Variants in KIF2A observed in about 807,000 individuals in gnomAD.
KIF2A encodes kinesin-like protein KIF2A.
In KIF2A, 22 loss-of-function variants were observed where a neutral mutation model predicts 100.2. The ratio of observed to expected loss-of-function variants is 0.22; its 90% CI spans 0.16 to 0.31. KIF2A has a LOEUF of 0.31. KIF2A is among the 10% of genes least tolerant of loss of function. The probability of loss-of-function intolerance (pLI) is 1.00; values close to 1 mark genes in which losing one functional copy is unlikely to be tolerated. For synonymous variants in KIF2A, 268 were observed against 285.9 expected, an observed-to-expected ratio of 0.94 and a Z score of 0.63; for missense variants, 495 against 898.7, an observed-to-expected ratio of 0.55 and a Z score of 5.74.
Position 62,389,348 on chromosome 5 carries a change from T to A in KIF2A, c.*3779T>A, listed in dbSNP as rs1230224443. Among the ~76,000 whole-genome samples, 5 of 151,884 alleles carry A rather than the reference T, an allele frequency of 3.3e-5. No individual in the cohort carries two copies. Among genetic ancestry groups the A allele is most frequent in the Non-Finnish European group, 7.4e-5 (5 of 67,976 alleles). The stretch of plus-strand genomic sequence containing the variant: ...TAAAAATACAAAAATTAGCCTGGCA[T>A]GGTGGCACATGCCTGTAATCCCAGC... On this transcript the variant is annotated 3_prime_UTR_variant, in exon 21 of 21. Transcript: ENST00000407818.
At chr5:62,364,155 T>G (rs1451252547) in intron 14 of KIF2A, among the ~76,000 whole-genome samples, 1 of 151,948 alleles carries the variant, frequency 6.6e-6, no homozygotes, top group African/African-American at 2.4e-5. Flanking sequence ...CCAGAGGTTT[T>G]TTTTTTTTTT....
intron 1 of KIF2A, among the ~76,000 whole-genome samples, chr5:62,333,757 C>T (rs1010436109): frequency 5.9e-5 from 9 of 152,132 alleles, no homozygotes; most frequent in Non-Finnish European, 7.4e-5. Flanking sequence ...AATTTCCCTG[C>T]AGAGAAGGGG....
rs752464946 is a variant in KIF2A at position 62,361,480 on chromosome 5, C to G, written c.978C>G (p.Asp326Glu). 1 of 1,579,950 alleles carries G rather than the reference C, an allele frequency of 6.3e-7. No homozygotes were observed. The highest frequency in any genetic ancestry group is 8.7e-7 in the Non-Finnish European group (1 of 1,150,236). Reference sequence around the variant, plus strand: ...TTAAAATATAGACTATGGGTGGTGACTTTTCAGGAAAGAACCAAGATTGTT... The same window carrying G: ...TTAAAATATAGACTATGGGTGGTGAGTTTTCAGGAAAGAACCAAGATTGTT... The part of the protein sequence containing the change: ...GSGKTHTMGG[D>E]FSGKNQDCSK... The change falls in exon 11 of 21, where the codon GAC becomes GAG. Residue 326 changes from aspartate to glutamate, a missense_variant. Coordinates refer to ENST00000407818, the MANE Select transcript of KIF2A (RefSeq NM_001098511.3).
At chr5:62,365,188 A>T in intron 14 of KIF2A, 55 bp from the exon 15 acceptor site, 1 of 872,978 alleles carries the variant, frequency 1.1e-6, no homozygotes, top group Non-Finnish European at 1.8e-6. Flanking sequence ...ATGTTAATTA[A>T]GATTATCCTT....
At chr5:62,360,001 G>GT (rs1428901606) in intron 9 of KIF2A, among the ~76,000 whole-genome samples, 2 of 137,830 alleles carry the variant, frequency 1.5e-5, no homozygotes, top group African/African-American at 5.3e-5. Context: ...TTTTTTTTTT[G>GT]TTTTTTTGAG....
chr5:62,334,595 A>C, intron 1 of KIF2A, among the ~76,000 whole-genome samples: 1 of 141,240 alleles, frequency 7.1e-6, no homozygotes, highest in Non-Finnish European at 1.5e-5. Context: ...CCCCTACCTT[A>C]CTCAACCTCT....
chr5:62,319,897 A>G (rs1746018033), intron 1 of KIF2A, among the ~76,000 whole-genome samples: 1 of 152,112 alleles, frequency 6.6e-6, no homozygotes, highest in African/African-American at 2.4e-5. Flanking sequence ...GTATGTATGT[A>G]TGTATGTATA....
At chr5:62,319,128 A>G (rs953727744) in intron 1 of KIF2A, among the ~76,000 whole-genome samples, 40 of 151,848 alleles carry the variant, frequency 2.6e-4, no homozygotes, top group African/African-American at 9.2e-4. Flanking sequence ...CAAATTCCTA[A>G]TAGGCCTCTC....
chr5:62,353,361 G>GA lies in KIF2A; in HGVS notation c.550dup (p.Arg184LysfsTer6), dbSNP rs1177534801. On this transcript the variant is annotated frameshift_variant, in exon 6 of 21. Coordinates refer to ENST00000407818, the MANE Select transcript of KIF2A (RefSeq NM_001098511.3). LOFTEE classifies it high-confidence loss of function. The stretch of plus-strand genomic sequence containing the variant: ...GAGATTGCAACAGCAAGAACTTAGA[G>GA]AAAAAAGAGCCCAGGTTCGTAACAT... 1 of 1,551,152 alleles carries GA rather than the reference G, an allele frequency of 6.4e-7. No homozygotes were observed. Among genetic ancestry groups the GA allele is most frequent in the Non-Finnish European group, 8.7e-7 (1 of 1,152,424 alleles).
At chr5:62,327,231 T>C (rs1041259193) in intron 1 of KIF2A, among the ~76,000 whole-genome samples, 11 of 152,230 alleles carry the variant, frequency 7.2e-5, no homozygotes, top group East Asian at 1.9e-4. Flanking sequence ...AAATCCACTT[T>C]GATTGTCTTA....
intron 1 of KIF2A, among the ~76,000 whole-genome samples, chr5:62,307,399 T>A (rs916829947): frequency 3.9e-5 from 6 of 151,974 alleles, no homozygotes; most frequent in Admixed American, 1.3e-4. Context: ...GCCTTAGGCT[T>A]ATGTATCTTT....
intron 1 of KIF2A, among the ~76,000 whole-genome samples, chr5:62,318,469 T>C (rs1036964588): frequency 6.6e-6 from 1 of 152,260 alleles, no homozygotes; most frequent in Non-Finnish European, 1.5e-5. Context: ...TAGCTGATAC[T>C]GAGAGTTGCC....
At chr5:62,341,513 C>G (rs1561262168) in intron 1 of KIF2A, among the ~76,000 whole-genome samples, 1 of 151,784 alleles carries the variant, frequency 6.6e-6, no homozygotes, top group Non-Finnish European at 1.5e-5. Context: ...ATGTTGCCAA[C>G]CTAGTCTCAA....
In KIF2A at chr5:62,385,801, C is replaced by T. The variant is rs976315636; in HGVS notation, c.*232C>T. The T allele has an allele frequency of 2.9e-5, 14 of 490,200 alleles. No homozygotes were observed. The highest frequency in any genetic ancestry group is 1.9e-4 in the African/African-American group (10 of 51,812). The allele number at this position is 490,200 out of a possible 1,614,324, so 30.4% of individuals were successfully genotyped here. A position where few individuals can be genotyped will look rare whatever the true frequency, so the allele number is the denominator to read the frequency against. ...AATGAAGCATTTTGTTTCATTTACA[C>T]AAATAGTGATTTACTTTTGGAGATC... is the stretch of plus-strand genomic sequence containing the variant. On this transcript the variant is annotated 3_prime_UTR_variant, in exon 21 of 21. Transcript: ENST00000407818.
chr5:62,311,023 G>A (rs1295701474), intron 1 of KIF2A, among the ~76,000 whole-genome samples: 1 of 152,190 alleles, frequency 6.6e-6, no homozygotes, highest in Non-Finnish European at 1.5e-5. Context: ...TACTGTGACT[G>A]TATTGATACA....
intron 1 of KIF2A, among the ~76,000 whole-genome samples, chr5:62,321,320 C>T (rs1282149790): frequency 2.6e-5 from 4 of 152,088 alleles, no homozygotes; most frequent in Admixed American, 1.3e-4. Context: ...ACTATACTTA[C>T]TTTTTGAGGA....
At chr5:62,368,438 T>C (rs917882695) in intron 16 of KIF2A, among the ~76,000 whole-genome samples, 3 of 152,122 alleles carry the variant, frequency 2.0e-5, no homozygotes, top group Non-Finnish European at 2.9e-5. Flanking sequence ...TATCAACCTA[T>C]TGAGCTTTTG....
Position 62,386,537 on chromosome 5 carries a change from TAAAAG to T in KIF2A, c.*972_*976del, listed in dbSNP as rs1266929274. On this transcript the variant is annotated 3_prime_UTR_variant, in exon 21 of 21. Coordinates refer to ENST00000407818, the MANE Select transcript of KIF2A (RefSeq NM_001098511.3). ...AAAATATACCTTTTCTATGTACTGT[TAAAAG>T]AAATTGGCTTCTGATGCATGAACAT... Among the ~76,000 whole-genome samples the T allele has an allele frequency of 6.6e-6, 1 of 152,230 alleles. No homozygotes were observed. Among genetic ancestry groups the T allele is most frequent in the Non-Finnish European group, 1.5e-5 (1 of 68,050 alleles).
chr5:62,314,984 A>G (rs1262155787), intron 1 of KIF2A, among the ~76,000 whole-genome samples: 2 of 151,656 alleles, frequency 1.3e-5, no homozygotes, highest in Admixed American at 1.3e-4. Flanking sequence ...GCTGGTCTTA[A>G]ACTCCTGACC....
Sources: allele counts gnomAD v4.1 joint callset (sites outside exome capture counted in the v4.1 genomes callset), GRCh38; gene constraint gnomAD v4.1.1; transcripts MANE v1.5; gene names NCBI Gene and HGNC (gene_info 2026-07-23, HGNC 2026-07-21).